Variants in SSU72 observed in about 807,000 individuals in gnomAD.
The protein encoded by SSU72 is SSU72 homolog, RNA polymerase II CTD phosphatase.
SSU72 carries 12 observed loss-of-function variants against 22.7 expected under a neutral mutation model. The observed-to-expected ratio is 0.53, with a 90% CI of 0.34 to 0.86. The LOEUF is 0.86. Among genes scored for constraint, SSU72 ranks in the 40% least tolerant of loss-of-function variants. SSU72 has a pLI of 0.02. For missense variants in SSU72, 151 were observed against 249.8 expected, an observed-to-expected ratio of 0.60 and a Z score of 2.67; for synonymous variants, 116 against 98.3, an observed-to-expected ratio of 1.18 and a Z score of -1.06.
intron 1 of SSU72, among the ~76,000 whole-genome samples, chr1:1,569,412 GCTA>G (rs1270450553): frequency 2.0e-5 from 3 of 152,144 alleles, no homozygotes; most frequent in African/African-American, 7.2e-5. Context: ...CCCAGAGAAC[GCTA>G]ACATGTCGAC....
intron 1 of SSU72, among the ~76,000 whole-genome samples, chr1:1,566,137 T>C (rs1219336589): frequency 6.6e-6 from 1 of 151,012 alleles, no homozygotes; most frequent in Non-Finnish European, 1.5e-5. Flanking sequence ...TGGTGGTGCG[T>C]GCCTGTAATC....
chr1:1,565,806 C>A (rs772040871), intron 1 of SSU72, among the ~76,000 whole-genome samples: 9 of 144,922 alleles, frequency 6.2e-5, no homozygotes, highest in Non-Finnish European at 1.0e-4. Flanking sequence ...AAGAGCTGAA[C>A]AGGAAACGTG....
intron 2 of SSU72, among the ~76,000 whole-genome samples, chr1:1,552,790 G>A (rs577681969): frequency 1.7e-4 from 26 of 152,262 alleles, no homozygotes; most frequent in African/African-American, 5.1e-4. Context: ...GAAGGCCGAG[G>A]CGGGTGGATC....
intron 2 of SSU72, 108 bp downstream of exon 2, chr1:1,564,665 C>T: frequency 2.5e-6 from 4 of 1,614,042 alleles, no homozygotes; most frequent in Non-Finnish European, 3.4e-6. Flanking sequence ...ACAGAGGAGC[C>T]AGTGTGTGCA....
At chr1:1,545,224 G>A (rs189684116) in intron 2 of SSU72, 3 of 552,550 alleles carry the variant, frequency 5.4e-6, no homozygotes, top group East Asian at 3.1e-5. Context: ...CTTGCTCCTC[G>A]CTGTCCCCCA....
At chr1:1,571,704 T>G (rs1570402332) in intron 1 of SSU72, among the ~76,000 whole-genome samples, 1 of 152,146 alleles carries the variant, frequency 6.6e-6, no homozygotes, top group African/African-American at 2.4e-5. Flanking sequence ...AAGGACTTGG[T>G]CATCTTCAGT....
chr1:1,546,368 CCT>C (rs1282277607), intron 2 of SSU72: 5 of 152,376 alleles, frequency 3.3e-5, no homozygotes, highest in East Asian at 3.9e-4. Flanking sequence ...CACACCCACC[CCT>C]GACGTGTGTC....
chr1:1,541,728 G>A lies in SSU72; in HGVS notation c.*338C>T, dbSNP rs1046878. The A allele has an allele frequency of 0.049, 13,089 of 268,844 alleles. 994 individuals are homozygous for A. The highest frequency in any genetic ancestry group is 0.26 in the East Asian group (2,364 of 9,062). 16.7% of individuals were successfully genotyped at this position (268,844 alleles called of 1,614,324 possible). A position where few individuals can be genotyped will look rare whatever the true frequency, so the allele number is the denominator to read the frequency against. ...AGGTCATTCCTAACACGCCGCAGCA[G>A]GGCTCTGTACAGTCCGGCCCGGTGG... On this transcript the variant is annotated 3_prime_UTR_variant, in exon 5 of 5. Transcript: ENST00000291386.
Position 1,556,395 on chromosome 1 carries a change from C to T in SSU72, c.224+8378G>A, listed in dbSNP as rs1403986441. Among the ~76,000 whole-genome samples, 4 of 152,052 alleles carry T rather than the reference C, an allele frequency of 2.6e-5. No individual in the cohort carries two copies. In the East Asian group the frequency reaches 7.7e-4, roughly 29 times the overall value. ...GTCTACTAAAAATACAAAAAATTAG[C>T]CGGACGTGGTGGGGGGCGCCCGTAA... On this transcript the variant is annotated intron_variant, in intron 2 of 4. Coordinates refer to ENST00000291386, the MANE Select transcript of SSU72 (RefSeq NM_014188.3).
rs949687442 is a variant in SSU72 at position 1,554,527 on chromosome 1, A to G, written c.225-9525T>C. Among the ~76,000 whole-genome samples, 3 of 152,120 alleles carry G rather than the reference A, an allele frequency of 2.0e-5. No homozygotes were observed. Among genetic ancestry groups the G allele is most frequent in the African/African-American group, 7.2e-5 (3 of 41,414 alleles). ...AAACACAGCTCGGTTTTCCTTACCA[A>G]GGTTTTCTCTTTTCACTCCCTAGGG... On this transcript the variant is annotated intron_variant, in intron 2 of 4. Transcript: ENST00000291386. The surrounding 1 kb of genome is among the most constrained non-coding windows in gnomAD (Gnocchi z 4.1).
intron 4 of SSU72, 26 bp downstream of exon 4, chr1:1,543,843 A>C: frequency 6.4e-7 from 1 of 1,573,338 alleles, no homozygotes; most frequent in Non-Finnish European, 8.7e-7. Flanking sequence ...ACCTCTGCCC[A>C]GCGCGGCGCC....
At chr1:1,549,535 GAAAA>G (rs904333301) in intron 2 of SSU72, among the ~76,000 whole-genome samples, 1 of 145,644 alleles carries the variant, frequency 6.9e-6, no homozygotes, top group Non-Finnish European at 1.5e-5. Flanking sequence ...AAAAAAGAAA[GAAAA>G]AGAAAAAAAA....
intron 2 of SSU72, chr1:1,564,554 G>A (rs774245384): frequency 8.9e-6 from 14 of 1,570,736 alleles, no homozygotes; most frequent in South Asian, 1.1e-5. Context: ...ACCCCACACC[G>A]TGTCTGTGCG....
chr1:1,556,049 A>C (rs1011013855), intron 2 of SSU72, among the ~76,000 whole-genome samples: 5 of 152,204 alleles, frequency 3.3e-5, no homozygotes, highest in African/African-American at 1.2e-4. Flanking sequence ...TAATCCCAGC[A>C]CTATGGGAGG....
At chr1:1,566,430 G>A (rs530790077) in intron 1 of SSU72, among the ~76,000 whole-genome samples, 34 of 152,144 alleles carry the variant, frequency 2.2e-4, no homozygotes, top group African/African-American at 6.3e-4. Context: ...GGCGCAGGGC[G>A]CACATACACT....
In SSU72 at chr1:1,554,102, G is replaced by A. The variant is rs141818061; in HGVS notation, c.225-9100C>T. On this transcript the variant is annotated intron_variant, in intron 2 of 4. Transcript: ENST00000291386. The surrounding 1 kb of genome is among the most constrained non-coding windows in gnomAD (Gnocchi z 4.1). The stretch of plus-strand genomic sequence containing the variant: ...GAAACGAGGAGGAAGTGCAGCTCCA[G>A]GGAGTGGAGCGGTTGTGAGATTCAC... Among the ~76,000 whole-genome samples, 49 of 152,356 alleles carry A rather than the reference G, an allele frequency of 3.2e-4. No individual in the cohort carries two copies. The highest frequency in any genetic ancestry group is 1.1e-3 in the African/African-American group (45 of 41,592).
chr1:1,571,117 T>G (rs1012527956), intron 1 of SSU72, among the ~76,000 whole-genome samples: 2 of 151,644 alleles, frequency 1.3e-5, no homozygotes, highest in African/African-American at 4.8e-5. Flanking sequence ...TGGTAGCGGG[T>G]GCCTGTAGTC....
intron 1 of SSU72, among the ~76,000 whole-genome samples, chr1:1,570,975 G>C (rs999728139): frequency 2.6e-5 from 4 of 151,918 alleles, no homozygotes; most frequent in African/African-American, 4.8e-5. Context: ...GGCCGGGCGC[G>C]GTGGCTCACG....
At chr1:1,548,467 T>C (rs998500461) in intron 2 of SSU72, among the ~76,000 whole-genome samples, 11 of 151,700 alleles carry the variant, frequency 7.3e-5, no homozygotes, top group Admixed American at 2.0e-4. Context: ...GGCAGGAGAA[T>C]TGCTTGAAGC....
Sources: allele counts gnomAD v4.1 joint callset (sites outside exome capture counted in the v4.1 genomes callset), GRCh38; gene constraint gnomAD v4.1.1; non-coding constraint Gnocchi (gnomAD v3.1); transcripts MANE v1.5; gene names NCBI Gene and HGNC (gene_info 2026-07-23, HGNC 2026-07-21).